The following HELZ variants were observed in gnomAD, a reference collection of about 807,000 sequenced individuals.
HELZ encodes the protein helicase with zinc finger, also known as ATP-dependent RNA helicase with zinc finger domain.
In HELZ, 23 loss-of-function variants were observed where a neutral mutation model predicts 218.2. The ratio of observed to expected loss-of-function variants is 0.11; its 90% CI spans 0.08 to 0.15. The LOEUF is 0.15. Ranked by LOEUF, HELZ falls within the 10% of genes least tolerant of loss-of-function variation. The pLI is 1.00. For missense variants in HELZ, 1,813 were observed against 2,353.7 expected, an observed-to-expected ratio of 0.77 and a Z score of 4.75; for synonymous variants, 814 against 829.4, an observed-to-expected ratio of 0.98 and a Z score of 0.32.
intron 17 of HELZ, among the ~76,000 whole-genome samples, chr17:67,158,141 C>A (rs927024577): frequency 2.0e-5 from 3 of 152,226 alleles, no homozygotes; most frequent in African/African-American, 7.2e-5. Flanking sequence ...AGCACATTTA[C>A]AACTGTATTC....
chr17:67,084,672 A>T (rs1448416904), intron 32 of HELZ, among the ~76,000 whole-genome samples: 4 of 152,034 alleles, frequency 2.6e-5, no homozygotes, highest in Non-Finnish European at 5.9e-5. Context: ...CAAAAAAAAA[A>T]AAAAAGAAAG....
At chr17:67,092,239 G>T (rs925744299) in intron 31 of HELZ, among the ~76,000 whole-genome samples, 9 of 152,058 alleles carry the variant, frequency 5.9e-5, no homozygotes, top group African/African-American at 2.2e-4. Flanking sequence ...CAACAATCAA[G>T]ACCATGAGCC....
intron 31 of HELZ, among the ~76,000 whole-genome samples, chr17:67,102,893 A>C (rs1330783624): frequency 6.6e-6 from 1 of 152,182 alleles, no homozygotes; most frequent in Non-Finnish European, 1.5e-5. Flanking sequence ...TTCACACACA[A>C]ACAAAGATAA....
chr17:67,210,981 A>G (rs1301718859), intron 5 of HELZ, among the ~76,000 whole-genome samples: 1 of 152,200 alleles, frequency 6.6e-6, no homozygotes, highest in Non-Finnish European at 1.5e-5. Context: ...TTATTTCATC[A>G]AAGTTTTTGT....
At chr17:67,099,794 A>G (rs2036866937) in intron 31 of HELZ, among the ~76,000 whole-genome samples, 1 of 152,226 alleles carries the variant, frequency 6.6e-6, no homozygotes, top group Admixed American at 6.5e-5. Flanking sequence ...TAATTATGCC[A>G]TCAAAGCTAA....
rs10692832 is a variant in HELZ at position 67,212,314 on chromosome 17, C to CAAAAAAAAAAAAAAAAAAAAAAA, written c.247+3584_247+3585insTTTTTTTTTTTTTTTTTTTTTTT. On this transcript the variant is annotated intron_variant, in intron 5 of 32. Coordinates refer to ENST00000358691, the MANE Select transcript of HELZ (RefSeq NM_014877.4). The stretch of plus-strand genomic sequence containing the variant: ...TGGGCGACAGGGAGAGACACCATCT[C>CAAAAAAAAAAAAAAAAAAAAAAA]AAAAAAAAAAAAAAAAAAAAAGGCT... Among the ~76,000 whole-genome samples the CAAAAAAAAAAAAAAAAAAAAAAA allele has an allele frequency of 2.8e-4, 6 of 21,406 alleles. 2 individuals are homozygous for CAAAAAAAAAAAAAAAAAAAAAAA. Among genetic ancestry groups the CAAAAAAAAAAAAAAAAAAAAAAA allele is most frequent in the Non-Finnish European group, 3.2e-4 (4 of 12,312 alleles). The allele number at this position is 21,406 out of a possible 152,430, so 14.0% of individuals were successfully genotyped here.
At chr17:67,243,025 A>T (rs538115067) in intron 2 of HELZ, among the ~76,000 whole-genome samples, 1 of 152,334 alleles carries the variant, frequency 6.6e-6, no homozygotes, top group African/African-American at 2.4e-5. Context: ...AAACATTTTA[A>T]GTTGAGAAAA....
intron 17 of HELZ, among the ~76,000 whole-genome samples, chr17:67,158,757 C>A (rs1404541027): frequency 3.3e-5 from 5 of 152,076 alleles, no homozygotes; most frequent in Admixed American, 3.3e-4. Flanking sequence ...TATACATGTA[C>A]CCTACTGAAC....
chr17:67,223,806 CTT>C (rs2040816679), intron 3 of HELZ, among the ~76,000 whole-genome samples: 1 of 152,102 alleles, frequency 6.6e-6, no homozygotes, highest in African/African-American at 2.4e-5. Context: ...CACTAATTTC[CTT>C]TAAACTCCTA....
At chr17:67,223,384 G>A (rs945851435) in intron 3 of HELZ, among the ~76,000 whole-genome samples, 15 of 152,220 alleles carry the variant, frequency 9.9e-5, no homozygotes, top group African/African-American at 3.4e-4. Flanking sequence ...CACCAATGTA[G>A]GAAGAAGCAT....
Position 67,160,341 on chromosome 17 carries a change from A to G in HELZ, c.2097T>C (p.Ser699=). 1 of 1,610,030 alleles carries G rather than the reference A, an allele frequency of 6.2e-7. No homozygotes were observed. Among genetic ancestry groups the G allele is most frequent in the Non-Finnish European group, 8.5e-7 (1 of 1,176,876 alleles). The change falls in exon 17 of 33, where the codon TCT becomes TCC. Residue 699 remains serine (S), a synonymous_variant. Coordinates refer to ENST00000358691, the MANE Select transcript of HELZ (RefSeq NM_014877.4). Reference sequence around the variant, plus strand: ...TTATGTAGAGATCAGCAGCACTATTAGAATGGGTGCAAATGAGAATCCTGC... The same window carrying G: ...TTATGTAGAGATCAGCAGCACTATTGGAATGGGTGCAAATGAGAATCCTGC... The part of the protein sequence containing the change: ...QETRILICTH[S]NSAADLYIKD...
intron 31 of HELZ, among the ~76,000 whole-genome samples, chr17:67,104,893 C>G (rs1410734757): frequency 6.6e-6 from 1 of 151,990 alleles, no homozygotes; most frequent in Admixed American, 6.6e-5. Flanking sequence ...AGGCTGGGGG[C>G]GGATCACCTG....
chr17:67,221,859 T>A (rs1444968615), intron 3 of HELZ, among the ~76,000 whole-genome samples: 1 of 150,884 alleles, frequency 6.6e-6, no homozygotes, highest in Non-Finnish European at 1.5e-5. Context: ...TTTTTTTTTT[T>A]AAGAGACAGA....
intron 15 of HELZ, among the ~76,000 whole-genome samples, chr17:67,164,859 A>G (rs778137280): frequency 2.6e-5 from 4 of 152,204 alleles, no homozygotes; most frequent in Non-Finnish European, 5.9e-5. Context: ...AGGAGAAGCC[A>G]TCAGATTTGT....
At chr17:67,186,381 A>G (rs2039756789) in intron 12 of HELZ, among the ~76,000 whole-genome samples, 2 of 152,164 alleles carry the variant, frequency 1.3e-5, no homozygotes, top group African/African-American at 4.8e-5. Flanking sequence ...AGAGAAGTTA[A>G]GTACTCTGCC....
intron 9 of HELZ, among the ~76,000 whole-genome samples, chr17:67,190,952 C>A (rs531835220): frequency 6.6e-6 from 1 of 151,238 alleles, no homozygotes; most frequent in African/African-American, 2.5e-5. Context: ...TGGTGATCCA[C>A]CCGCCTCGGC....
At chr17:67,199,131 TTC>T (rs1347401853) in intron 7 of HELZ, among the ~76,000 whole-genome samples, 2 of 152,154 alleles carry the variant, frequency 1.3e-5, no homozygotes, top group African/African-American at 4.8e-5. Context: ...TACAACTGCC[TTC>T]TGTTACTTCT....
intron 32 of HELZ, among the ~76,000 whole-genome samples, chr17:67,080,124 T>A (rs953281037): frequency 6.6e-6 from 1 of 152,214 alleles, no homozygotes; most frequent in Admixed American, 6.5e-5. Flanking sequence ...AATTTTATAA[T>A]CTATCTGCAA....
At chr17:67,128,392 G>A (rs1286958148) in intron 24 of HELZ, 2 of 479,432 alleles carry the variant, frequency 4.2e-6, no homozygotes, top group Non-Finnish European at 7.5e-6. Context: ...GGATTAGAAG[G>A]TTATTTTATA....
Sources: allele counts gnomAD v4.1 joint callset (sites outside exome capture counted in the v4.1 genomes callset), GRCh38; gene constraint gnomAD v4.1.1; transcripts MANE v1.5; gene names NCBI Gene and HGNC (gene_info 2026-07-23, HGNC 2026-07-21).